The following BACH2 variants were observed in gnomAD, a reference collection of about 807,000 sequenced individuals.
The protein encoded by BACH2 is BACH transcriptional regulator 2, also known as transcription regulator protein BACH2.
In BACH2, 5 loss-of-function variants were observed where a neutral mutation model predicts 61.8. The observed-to-expected ratio is 0.08, with a 90% CI of 0.04 to 0.17. The LOEUF (loss-of-function observed/expected upper bound fraction) is 0.17, where lower values mean the gene tolerates loss of function less well. Ranked by LOEUF, BACH2 falls within the 10% of genes least tolerant of loss-of-function variation. The probability of loss-of-function intolerance (pLI) is 1.00; values close to 1 mark genes in which losing one functional copy is unlikely to be tolerated. For missense variants in BACH2, 824 were observed against 1,091.1 expected (o/e 0.76, Z 3.45); for synonymous variants, 446 against 440.1 (o/e 1.01, Z -0.17).
At chr6:89,974,864 T>C (rs1775566528) in intron 6 of BACH2, among the ~76,000 whole-genome samples, 1 of 152,212 alleles carries the variant, frequency 6.6e-6, no homozygotes, top group Non-Finnish European at 1.5e-5. Flanking sequence ...AGTAGACACG[T>C]ATGTATCTTC....
chr6:90,263,648 A>G (rs886284914), intron 2 of BACH2, among the ~76,000 whole-genome samples: 1 of 152,192 alleles, frequency 6.6e-6, no homozygotes, highest in African/African-American at 2.4e-5. Flanking sequence ...CTGAAGCCTA[A>G]ATCTGCAAAA....
intron 4 of BACH2, among the ~76,000 whole-genome samples, chr6:90,188,156 C>T (rs1343119610): frequency 6.6e-6 from 1 of 152,234 alleles, no homozygotes; most frequent in African/African-American, 2.4e-5. Context: ...GACTGTCATA[C>T]AGACCAGCAG....
chr6:90,247,401 A>ATT (rs34306682), intron 3 of BACH2, among the ~76,000 whole-genome samples: 1 of 145,644 alleles, frequency 6.9e-6, no homozygotes, highest in African/African-American at 2.5e-5. Flanking sequence ...ATGTACAGTT[A>ATT]TTTTTTTTTT....
chr6:90,040,266 C>T (rs1025955350), intron 5 of BACH2, among the ~76,000 whole-genome samples: 1 of 151,988 alleles, frequency 6.6e-6, no homozygotes. Context: ...TAAATATGAA[C>T]CACCAAACTT....
At chr6:90,065,926 TA>T (rs1780940905) in intron 5 of BACH2, among the ~76,000 whole-genome samples, 1 of 152,312 alleles carries the variant, frequency 6.6e-6, no homozygotes, top group East Asian at 1.9e-4. Context: ...TAAGGATTTA[TA>T]AAAGGGAAAA....
At chr6:90,115,485 G>GTTTTCCATTTGCTTGGTA (rs1783359078) in intron 4 of BACH2, among the ~76,000 whole-genome samples, 1 of 152,116 alleles carries the variant, frequency 6.6e-6, no homozygotes, top group Non-Finnish European at 1.5e-5. Context: ...GATTGAAGCT[G>GTTTTCCATTTGCTTGGTA]GACCCCTTTT....
chr6:90,253,084 A>G (rs1380463124), intron 2 of BACH2, among the ~76,000 whole-genome samples: 1 of 152,200 alleles, frequency 6.6e-6, no homozygotes, highest in African/African-American at 2.4e-5. Flanking sequence ...TCTCTACAAG[A>G]CATACACAAA....
intron 7 of BACH2, among the ~76,000 whole-genome samples, chr6:89,942,515 C>T (rs1773494259): frequency 6.6e-6 from 1 of 152,164 alleles, no homozygotes; most frequent in African/African-American, 2.4e-5. Context: ...CTTGCTCCTC[C>T]AGGATCTCAC....
At chr6:90,096,265 TTC>T (rs1022673348) in intron 4 of BACH2, among the ~76,000 whole-genome samples, 2 of 152,180 alleles carry the variant, frequency 1.3e-5, no homozygotes, top group African/African-American at 4.8e-5. Flanking sequence ...TGCCACCTGC[TTC>T]TCTCTCTGCC....
intron 5 of BACH2, among the ~76,000 whole-genome samples, chr6:90,064,189 C>A (rs1780827757): frequency 6.6e-6 from 1 of 152,002 alleles, no homozygotes; most frequent in African/African-American, 2.4e-5. Context: ...GTGATATGTG[C>A]CATTTGAGTA....
chr6:89,975,738 G>A (rs1775616243), intron 6 of BACH2, among the ~76,000 whole-genome samples: 1 of 152,202 alleles, frequency 6.6e-6, no homozygotes, highest in African/African-American at 2.4e-5. Flanking sequence ...TGGAAATAAG[G>A]TTGCAGAGAA....
intron 4 of BACH2, among the ~76,000 whole-genome samples, chr6:90,128,273 T>A (rs759739107): frequency 3.3e-5 from 5 of 152,090 alleles, no homozygotes; most frequent in Non-Finnish European, 7.4e-5. Context: ...TCCCTCAGTT[T>A]TAATTTGTTT....
At chr6:90,116,663 A>G in intron 4 of BACH2, 1 of 297,970 alleles carries the variant, frequency 3.4e-6, no homozygotes, top group South Asian at 6.2e-5. Context: ...GCTACTTAAA[A>G]AAAGGTGATG....
rs552217014 is a variant in BACH2 at position 90,003,418 on chromosome 6, T to C, written c.243+5184A>G. Among the ~76,000 whole-genome samples the C allele has an allele frequency of 3.9e-5, 6 of 152,298 alleles. No individual in the cohort carries two copies. In the South Asian group the frequency reaches 1.2e-3, roughly 32 times the overall value. Reference sequence around the variant, plus strand: ...ACAGGCTTTTCTTGATCACTCTTCTTAAAATTGTAATACTTGTATCCTAAC... The same window carrying C: ...ACAGGCTTTTCTTGATCACTCTTCTCAAAATTGTAATACTTGTATCCTAAC... On this transcript the variant is annotated intron_variant, in intron 6 of 8. Coordinates refer to ENST00000257749, the MANE Select transcript of BACH2 (RefSeq NM_021813.4).
At chr6:90,260,528 G>A (rs1045292675) in intron 2 of BACH2, among the ~76,000 whole-genome samples, 2 of 152,152 alleles carry the variant, frequency 1.3e-5, no homozygotes, top group Non-Finnish European at 2.9e-5. Flanking sequence ...GCTGCTGTTG[G>A]ATGGAAAATT....
chr6:89,967,875 G>T (rs1775129066), intron 6 of BACH2, among the ~76,000 whole-genome samples: 1 of 152,164 alleles, frequency 6.6e-6, no homozygotes, highest in African/African-American at 2.4e-5. Flanking sequence ...GGAGGCTGGA[G>T]AGTCTCTGAG....
chr6:90,004,013 G>A (rs575281757), intron 6 of BACH2, among the ~76,000 whole-genome samples: 10 of 152,202 alleles, frequency 6.6e-5, no homozygotes, highest in Non-Finnish European at 1.5e-4. Flanking sequence ...ATTACATACT[G>A]AAAGGGTTGC....
intron 1 of BACH2, among the ~76,000 whole-genome samples, chr6:90,287,156 C>G (rs1252135283): frequency 2.0e-5 from 3 of 152,016 alleles, no homozygotes; most frequent in African/African-American, 7.3e-5. Context: ...GACTGAAGGG[C>G]GTTGACTCTA....
chr6:90,286,135 G>C (rs768234175), intron 1 of BACH2, among the ~76,000 whole-genome samples: 1 of 152,158 alleles, frequency 6.6e-6, no homozygotes, highest in Non-Finnish European at 1.5e-5. Context: ...ATTTTAACTA[G>C]ATTTAACTGC....
Sources: allele counts gnomAD v4.1 joint callset (sites outside exome capture counted in the v4.1 genomes callset), GRCh38; gene constraint gnomAD v4.1.1; transcripts MANE v1.5; gene names NCBI Gene and HGNC (gene_info 2026-07-23, HGNC 2026-07-21).